GRIA4: variants seen among roughly 807,000 people sequenced by gnomAD.
GRIA4 encodes glutamate ionotropic receptor AMPA type subunit 4, also known as glutamate receptor 4.
A neutral mutation model predicts 104.0 loss-of-function variants in GRIA4; 34 were observed. That is an observed-to-expected ratio of 0.33 (90% CI 0.25 to 0.44). GRIA4 has a LOEUF of 0.44. GRIA4 is among the 20% of genes least tolerant of loss of function. The pLI is 1.00. For missense variants in GRIA4, 750 were observed against 1,096.5 expected (o/e 0.68, Z 4.46); for synonymous variants, 386 against 381.9 (o/e 1.01, Z -0.13).
intron 3 of GRIA4, among the ~76,000 whole-genome samples, chr11:105,644,558 C>A (rs1003074363): frequency 6.6e-6 from 1 of 151,974 alleles, no homozygotes; most frequent in Non-Finnish European, 1.5e-5. Flanking sequence ...GAGCTGAGAT[C>A]GTGCAATCGC....
At chr11:105,678,781 C>A (rs945988438) in intron 3 of GRIA4, among the ~76,000 whole-genome samples, 1 of 151,824 alleles carries the variant, frequency 6.6e-6, no homozygotes, top group African/African-American at 2.4e-5. Context: ...TTCTCAAATA[C>A]CATTAAGGTA....
intron 3 of GRIA4, among the ~76,000 whole-genome samples, chr11:105,691,884 G>T (rs111345981): frequency 7.1e-6 from 1 of 140,222 alleles, no homozygotes. Flanking sequence ...GCAGTGAGCC[G>T]AGATGGTGCC....
intron 4 of GRIA4, among the ~76,000 whole-genome samples, chr11:105,845,061 T>C (rs910644758): frequency 2.6e-5 from 4 of 152,220 alleles, no homozygotes; most frequent in Non-Finnish European, 4.4e-5. Flanking sequence ...ACAACGACCA[T>C]CATTTTATTA....
chr11:105,914,061 TTA>T (rs200097677), intron 10 of GRIA4, among the ~76,000 whole-genome samples: 3 of 151,338 alleles, frequency 2.0e-5, no homozygotes, highest in South Asian at 2.1e-4. Context: ...ATAAAATGTA[TTA>T]TATATATATA....
At chr11:105,740,399 T>A (rs1939232847) in intron 3 of GRIA4, among the ~76,000 whole-genome samples, 1 of 152,190 alleles carries the variant, frequency 6.6e-6, no homozygotes, top group Non-Finnish European at 1.5e-5. Context: ...CATTCCACAC[T>A]CTCTCATTCT....
At chr11:105,975,851 C>CTT (rs1858954803) in intron 16 of GRIA4, among the ~76,000 whole-genome samples, 1 of 152,048 alleles carries the variant, frequency 6.6e-6, no homozygotes, top group South Asian at 2.1e-4. Flanking sequence ...GATCTAATTG[C>CTT]TTTCATCCAT....
At chr11:105,729,580 C>T (rs959710787) in intron 3 of GRIA4, among the ~76,000 whole-genome samples, 8 of 152,190 alleles carry the variant, frequency 5.3e-5, no homozygotes, top group Non-Finnish European at 1.2e-4. Flanking sequence ...GGCCAATATA[C>T]CTGATGAACA....
intron 14 of GRIA4, among the ~76,000 whole-genome samples, chr11:105,967,028 A>G (rs1156936748): frequency 6.6e-6 from 1 of 152,182 alleles, no homozygotes; most frequent in Admixed American, 6.5e-5. Context: ...ATAAACATAT[A>G]AATATATACA....
At chr11:105,626,361 C>A (rs560506678) in intron 3 of GRIA4, among the ~76,000 whole-genome samples, 1 of 151,814 alleles carries the variant, frequency 6.6e-6, no homozygotes, top group African/African-American at 2.4e-5. Context: ...ATAAATAAGC[C>A]CAGTAAACAA....
chr11:105,936,745 A>G (rs1948049936), intron 14 of GRIA4, among the ~76,000 whole-genome samples: 2 of 152,196 alleles, frequency 1.3e-5, no homozygotes, highest in Admixed American at 1.3e-4. Flanking sequence ...AGACTTTAAA[A>G]CAAATGCAAT....
chr11:105,853,907 C>T (rs1379876322), intron 4 of GRIA4, among the ~76,000 whole-genome samples: 1 of 152,170 alleles, frequency 6.6e-6, no homozygotes, highest in African/African-American at 2.4e-5. Context: ...ATCATTTCCA[C>T]TATATCAAAC....
Position 105,712,412 on chromosome 11 carries a change from T to C in GRIA4, c.248-40569T>C, listed in dbSNP as rs1272702358. 3.3e-5 allele frequency among the ~76,000 whole-genome samples: 5 copies of C among 152,100 alleles called. No individual in the cohort carries two copies. The East Asian group carries it at 9.7e-4, about 29-fold the overall frequency. On this transcript the variant is annotated intron_variant, in intron 3 of 16. Coordinates refer to ENST00000282499, the MANE Select transcript of GRIA4 (RefSeq NM_000829.4). ...GTGAAAGGATCTATCTATATATAGA[T>C]ATAGATATATATATTCTTATTCATG...
intron 13 of GRIA4, among the ~76,000 whole-genome samples, chr11:105,931,289 C>T (rs1947865808): frequency 6.6e-6 from 1 of 151,882 alleles, no homozygotes; most frequent in African/African-American, 2.4e-5. Context: ...CACACACACA[C>T]ACACACACAC....
intron 7 of GRIA4, among the ~76,000 whole-genome samples, chr11:105,902,764 A>G (rs1330457485): frequency 1.3e-5 from 2 of 152,218 alleles, no homozygotes; most frequent in Admixed American, 6.5e-5. Flanking sequence ...GGTGTTAATT[A>G]TAAGGAACTG....
chr11:105,876,060 A>T (rs1265097160), intron 5 of GRIA4, among the ~76,000 whole-genome samples: 5 of 152,166 alleles, frequency 3.3e-5, no homozygotes. Context: ...TAGTGCTACA[A>T]ATCTCCATCT....
At chr11:105,849,272 C>T (rs1944711185) in intron 4 of GRIA4, among the ~76,000 whole-genome samples, 1 of 152,166 alleles carries the variant, frequency 6.6e-6, no homozygotes, top group Non-Finnish European at 1.5e-5. Context: ...TTTTAATCAA[C>T]TCAACTGGAA....
intron 4 of GRIA4, among the ~76,000 whole-genome samples, chr11:105,845,800 G>A (rs1944569565): frequency 6.6e-6 from 1 of 152,030 alleles, no homozygotes; most frequent in South Asian, 2.1e-4. Context: ...AGGAGCCTCA[G>A]GAATGACGTG....
chr11:105,704,739 T>G (rs560284969), intron 3 of GRIA4, among the ~76,000 whole-genome samples: 12 of 152,164 alleles, frequency 7.9e-5, no homozygotes, highest in Non-Finnish European at 1.2e-4. Flanking sequence ...AAGAAAAATT[T>G]TAAAACATCC....
intron 5 of GRIA4, among the ~76,000 whole-genome samples, chr11:105,866,308 G>A (rs967309703): frequency 6.6e-6 from 1 of 151,876 alleles, no homozygotes; most frequent in Non-Finnish European, 1.5e-5. Flanking sequence ...CTAAAGCAAT[G>A]TATAATTGTA....
Sources: gnomAD v4.1 joint callset for allele counts (sites outside exome capture counted in the v4.1 genomes callset) on GRCh38, gnomAD v4.1.1 for gene constraint, MANE v1.5 for transcripts, NCBI Gene and HGNC (gene_info 2026-07-23, HGNC 2026-07-21) for gene names.